TAOK3: variants seen among roughly 807,000 people sequenced by gnomAD.
TAOK3 encodes TAO kinase 3, also known as serine/threonine-protein kinase TAO3.
TAOK3 carries 40 observed loss-of-function variants against 120.4 expected under a neutral mutation model. That is an observed-to-expected ratio of 0.33 (90% CI 0.26 to 0.43). The LOEUF is 0.43. Among genes scored for constraint, TAOK3 ranks in the 20% least tolerant of loss-of-function variants. The pLI, the probability that TAOK3 is intolerant of heterozygous loss-of-function variation, is 1.00. For missense variants in TAOK3, 821 were observed against 1,112.1 expected (o/e 0.74, Z 3.72); for synonymous variants, 355 against 387.5 (o/e 0.92, Z 0.99).
intron 1 of TAOK3, among the ~76,000 whole-genome samples, chr12:118,312,699 T>C (rs770362515): frequency 6.6e-6 from 1 of 152,214 alleles, no homozygotes; most frequent in Non-Finnish European, 1.5e-5. Context: ...CACAGTTGCA[T>C]GTTGAATCAT....
At chr12:118,241,497 C>T (rs1311396362) in intron 5 of TAOK3, among the ~76,000 whole-genome samples, 2 of 152,140 alleles carry the variant, frequency 1.3e-5, no homozygotes, top group African/African-American at 4.8e-5. Flanking sequence ...TTTCTAGCTG[C>T]ATTAAATGTT....
rs775586496 is a variant in TAOK3, at chr12:118,199,121, C to T, written c.1124G>A (p.Ser375Asn). 3.1e-6 allele frequency: 5 copies of T among 1,614,168 alleles called. No homozygotes were observed. The South Asian group carries it at 3.3e-5, about 11-fold the overall frequency. ...NSMQEVMDES[S>N]SELVMMHDDE... ...ATCGTGCATCATGACAAGTTCGGAACTGCTCTCGTCCATGACTTCCTGCAT... is the reference window on the plus strand; with the variant it reads ...ATCGTGCATCATGACAAGTTCGGAATTGCTCTCGTCCATGACTTCCTGCAT... Residue 375 changes from serine to asparagine, a missense_variant, in exon 13 of 21, where the codon AGT becomes AAT. By Grantham distance (46) the Ser-to-Asn change is conservative. Around this residue, in one of 2 missense-constraint regions of TAOK3, gnomAD observed 467 missense variants for 540.0 expected, o/e 0.86. Coordinates refer to ENST00000392533, the MANE Select transcript of TAOK3 (RefSeq NM_016281.4).
rs529584105 is a variant in TAOK3 at position 118,204,125 on chromosome 12, G to C, written c.820-2662C>G. 1.1e-4 allele frequency among the ~76,000 whole-genome samples: 17 copies of C among 152,038 alleles called. No individual in the cohort carries two copies. The South Asian group carries it at 3.5e-3, about 32-fold the overall frequency. Reference sequence around the variant, plus strand: ...TACTAAAAACACAAAAAATTAGCTGGGCATTGTGATGCATGCCTGTAATCC... The same window carrying C: ...TACTAAAAACACAAAAAATTAGCTGCGCATTGTGATGCATGCCTGTAATCC... On this transcript the variant is annotated intron_variant, in intron 11 of 20. Transcript: ENST00000392533.
chr12:118,333,741 C>CT (rs2044246347), intron 1 of TAOK3, among the ~76,000 whole-genome samples: 1 of 150,838 alleles, frequency 6.6e-6, no homozygotes, highest in African/African-American at 2.4e-5. Flanking sequence ...TGCAGCAAGA[C>CT]TGACAAAAAT....
intron 9 of TAOK3, among the ~76,000 whole-genome samples, chr12:118,220,635 T>C (rs1243398981): frequency 6.6e-6 from 1 of 150,966 alleles, no homozygotes; most frequent in Admixed American, 6.6e-5. Flanking sequence ...GAAAAACAAA[T>C]TTGAAAAGAA....
intron 17 of TAOK3, among the ~76,000 whole-genome samples, chr12:118,171,517 C>T (rs1470112111): frequency 6.6e-5 from 10 of 152,088 alleles, no homozygotes; most frequent in Admixed American, 6.5e-4. Context: ...CCACCATGCC[C>T]AGGTAATTTT....
rs747387971 is a variant in TAOK3, at chr12:118,172,507, G to A, written c.1849C>T (p.Arg617Trp). ...YYDKNCRFFKRKIMIKRHEVE... is the reference protein window; with the variant it reads ...YYDKNCRFFKWKIMIKRHEVE... ...TCGTGCCGCTTGATCATTATTTTCCGCTTGAAGAAACGACAATTTTTGTCG... is the reference window on the plus strand; with the variant it reads ...TCGTGCCGCTTGATCATTATTTTCCACTTGAAGAAACGACAATTTTTGTCG... Residue 617 changes from arginine to tryptophan, a missense_variant, in exon 17 of 21, where the codon CGG (arginine) becomes TGG (tryptophan). Physicochemically the swap from Arg to Trp is moderately radical, Grantham distance 101. Transcript: ENST00000392533. The A allele has an allele frequency of 1.9e-6, 3 of 1,614,070 alleles. No homozygotes were observed. Among genetic ancestry groups the A allele is most frequent in the South Asian group, 1.1e-5 (1 of 91,078 alleles).
chr12:118,275,884 G>A (rs1409787397), intron 1 of TAOK3, among the ~76,000 whole-genome samples: 1 of 152,178 alleles, frequency 6.6e-6, no homozygotes, highest in Non-Finnish European at 1.5e-5. Context: ...GGAAGTGAAG[G>A]AGTAAGCCCT....
intron 19 of TAOK3, among the ~76,000 whole-genome samples, chr12:118,156,222 T>G (rs1390736500): frequency 6.6e-6 from 1 of 152,166 alleles, no homozygotes; most frequent in African/African-American, 2.4e-5. Context: ...AACCCTCTAC[T>G]TCTACCGCTC....
At chr12:118,246,910 C>G (rs934666626) in intron 3 of TAOK3, 1 of 1,341,484 alleles carries the variant, frequency 7.5e-7, no homozygotes. Flanking sequence ...CTCGTTAAGA[C>G]CCACACCAGA....
At position 118,189,853 on chromosome 12, in the gene TAOK3, T is replaced by C; in HGVS notation, c.1283A>G (p.His428Arg). Residue 428 changes from histidine (H) to arginine (R), a missense_variant, in exon 14 of 21, where the codon CAC becomes CGC. Coordinates refer to ENST00000392533, the MANE Select transcript of TAOK3 (RefSeq NM_016281.4). The part of the protein sequence containing the change: ...PTQSVQSQAL[H>R]YRNRERFATI... ...GGCAAAGCGCTCTCTGTTCCGGTAG[T>C]GGAGGGCCTGGCTCTGAACTGACTG... The C allele has an allele frequency of 3.1e-6, 5 of 1,614,198 alleles. No individual in the cohort carries two copies. The highest frequency in any genetic ancestry group is 4.2e-6 in the Non-Finnish European group (5 of 1,180,028).
At chr12:118,247,899 C>A (rs944471259) in intron 3 of TAOK3, among the ~76,000 whole-genome samples, 1 of 152,158 alleles carries the variant, frequency 6.6e-6, no homozygotes, top group Non-Finnish European at 1.5e-5. Flanking sequence ...ATTACCTCTG[C>A]ATCAGTGCCA....
chr12:118,307,508 C>T (rs897510995), intron 1 of TAOK3, among the ~76,000 whole-genome samples: 10 of 152,130 alleles, frequency 6.6e-5, no homozygotes, highest in Non-Finnish European at 1.0e-4. Context: ...GAAAGAGAAC[C>T]ATAACTGGAA....
intron 12 of TAOK3, chr12:118,200,414 G>A (rs2037963263): frequency 6.6e-6 from 1 of 151,978 alleles, no homozygotes; most frequent in African/African-American, 2.4e-5. Context: ...TATATTTATG[G>A]ATCTCTCTAC....
At chr12:118,261,861 C>CT (rs965688370) in intron 2 of TAOK3, among the ~76,000 whole-genome samples, 21 of 148,710 alleles carry the variant, frequency 1.4e-4, no homozygotes, top group East Asian at 4.1e-4. Flanking sequence ...GATTACACTT[C>CT]TTTTTTTTTT....
chr12:118,205,089 G>A (rs1243748624), intron 11 of TAOK3, among the ~76,000 whole-genome samples: 1 of 152,126 alleles, frequency 6.6e-6, no homozygotes, highest in Non-Finnish European at 1.5e-5. Context: ...AGAATTGCTT[G>A]AACTTGGGAG....
intron 9 of TAOK3, among the ~76,000 whole-genome samples, chr12:118,220,491 T>A (rs190185586): frequency 6.6e-6 from 1 of 151,976 alleles, no homozygotes; most frequent in Admixed American, 6.6e-5. Context: ...TTTGATGGCT[T>A]CATTCACTAT....
chr12:118,332,975 A>AACACACAC lies in TAOK3; in HGVS notation c.-194+39665_-194+39672dup, dbSNP rs146893418. Among the ~76,000 whole-genome samples, 261 of 149,748 alleles carry AACACACAC rather than the reference A, an allele frequency of 1.7e-3. 1 individual carries two copies. The highest frequency in any genetic ancestry group is 6.3e-3 in the African/African-American group (255 of 40,594). Reference sequence around the variant, plus strand: ...TGTACATGCACCAAACAACAGTTTCAACACACACACACACACACACAGATA... The same window carrying AACACACAC: ...TGTACATGCACCAAACAACAGTTTCAACACACACACACACACACACACACACACAGATA... On this transcript the variant is annotated intron_variant, in intron 1 of 20. Coordinates refer to ENST00000392533, the MANE Select transcript of TAOK3 (RefSeq NM_016281.4).
chr12:118,258,681 A>C (rs1434231760), intron 2 of TAOK3, among the ~76,000 whole-genome samples: 1 of 151,938 alleles, frequency 6.6e-6, no homozygotes. Context: ...CACTGCATTC[A>C]AGCCTGGTGA....
Sources: allele counts gnomAD v4.1 joint callset (sites outside exome capture counted in the v4.1 genomes callset), GRCh38; gene constraint gnomAD v4.1.1; regional missense constraint gnomAD v4.1.1; transcripts MANE v1.5; gene names NCBI Gene and HGNC (gene_info 2026-07-23, HGNC 2026-07-21).